KCND2: variants seen among roughly 807,000 people sequenced by gnomAD.
KCND2 encodes A-type voltage-gated potassium channel KCND2.
Under a neutral mutation model 54.4 loss-of-function variants are expected in KCND2, and 16 were observed. The ratio of observed to expected loss-of-function variants is 0.29; its 90% CI spans 0.20 to 0.45. KCND2 has a LOEUF of 0.45. Ranked by LOEUF, KCND2 falls within the 20% of genes least tolerant of loss-of-function variation. The probability of loss-of-function intolerance (pLI) is 1.00; values close to 1 mark genes in which losing one functional copy is unlikely to be tolerated. For synonymous variants in KCND2, 317 were observed against 310.7 expected (o/e 1.02, Z -0.21); for missense variants, 486 against 824.2 (o/e 0.59, Z 5.02).
intron 1 of KCND2, among the ~76,000 whole-genome samples, chr7:120,427,382 T>A (rs1266435648): frequency 6.6e-6 from 1 of 152,146 alleles, no homozygotes; most frequent in Non-Finnish European, 1.5e-5. Context: ...CAAATATCAT[T>A]CAGCCGGTCA....
At chr7:120,359,115 T>C (rs991435452) in intron 1 of KCND2, among the ~76,000 whole-genome samples, 1 of 152,176 alleles carries the variant, frequency 6.6e-6, no homozygotes, top group Non-Finnish European at 1.5e-5. Context: ...TTTTACAAAC[T>C]GGAATAAGTC....
intron 1 of KCND2, among the ~76,000 whole-genome samples, chr7:120,592,089 G>A (rs1792679266): frequency 6.6e-6 from 1 of 152,304 alleles, no homozygotes; most frequent in African/African-American, 2.4e-5. Flanking sequence ...GGCGGTGGAT[G>A]TAGTTGAGAG....
intron 1 of KCND2, among the ~76,000 whole-genome samples, chr7:120,316,262 C>T (rs149581785): frequency 1.1e-4 from 16 of 152,276 alleles, no homozygotes; most frequent in African/African-American, 3.8e-4. Flanking sequence ...CCTATTAAAA[C>T]TCCAATTTTG....
chr7:120,563,723 C>T (rs1305506773), intron 1 of KCND2, among the ~76,000 whole-genome samples: 1 of 152,116 alleles, frequency 6.6e-6, no homozygotes, highest in East Asian at 1.9e-4. Context: ...AATCCTATTC[C>T]AGCCTTTGCA....
intron 1 of KCND2, among the ~76,000 whole-genome samples, chr7:120,507,170 A>G (rs1803036770): frequency 6.6e-6 from 1 of 151,840 alleles, no homozygotes; most frequent in South Asian, 2.1e-4. Context: ...TTTTAAGGAA[A>G]GAGAGTTTTT....
Position 120,749,053 on chromosome 7 carries a change from A to G in KCND2, c.*1195A>G, listed in dbSNP as rs1206677146. The stretch of plus-strand genomic sequence containing the variant: ...TACTGGATATATCACTATGTATTTT[A>G]TGAACAGAATTGACTGGGACTAATA... On this transcript the variant is annotated 3_prime_UTR_variant, in exon 6 of 6. Coordinates refer to ENST00000331113, the MANE Select transcript of KCND2 (RefSeq NM_012281.3). 1 of 151,994 alleles carries G rather than the reference A, an allele frequency of 6.6e-6. No individual in the cohort carries two copies. The highest frequency in any genetic ancestry group is 2.4e-5 in the African/African-American group (1 of 41,452). The allele number at this position is 151,994 out of a possible 1,614,324, so 9.4% of individuals were successfully genotyped here.
intron 1 of KCND2, among the ~76,000 whole-genome samples, chr7:120,386,532 T>C (rs1800990245): frequency 6.6e-6 from 1 of 152,158 alleles, no homozygotes; most frequent in African/African-American, 2.4e-5. Context: ...AAATATTCTT[T>C]GGTACTCAAT....
chr7:120,468,122 T>G (rs762226889), intron 1 of KCND2, among the ~76,000 whole-genome samples: 1 of 152,126 alleles, frequency 6.6e-6, no homozygotes, highest in Non-Finnish European at 1.5e-5. Context: ...AGGAGAATGC[T>G]TGCAGCTGGT....
intron 1 of KCND2, among the ~76,000 whole-genome samples, chr7:120,454,594 A>T (rs1388541730): frequency 6.6e-6 from 1 of 152,310 alleles, no homozygotes; most frequent in East Asian, 1.9e-4. Context: ...TTCGGACCAG[A>T]TGGATTCACT....
intron 1 of KCND2, among the ~76,000 whole-genome samples, chr7:120,601,559 G>C (rs796212484): frequency 6.6e-5 from 10 of 152,268 alleles, no homozygotes; most frequent in African/African-American, 2.4e-4. Context: ...TTGTTTATAA[G>C]AGTTAATCGC....
intron 1 of KCND2, among the ~76,000 whole-genome samples, chr7:120,349,418 T>C (rs1323464441): frequency 6.6e-6 from 1 of 152,160 alleles, no homozygotes; most frequent in Non-Finnish European, 1.5e-5. Context: ...TTAATGCACC[T>C]GTCTTTGTTG....
chr7:120,401,489 T>A (rs2116081421), intron 1 of KCND2, among the ~76,000 whole-genome samples: 1 of 152,276 alleles, frequency 6.6e-6, no homozygotes, highest in African/African-American at 2.4e-5. Context: ...GAGCCAGTTC[T>A]ACTAAATCAG....
At chr7:120,679,048 C>G (rs371660440) in intron 1 of KCND2, among the ~76,000 whole-genome samples, 2 of 151,692 alleles carry the variant, frequency 1.3e-5, no homozygotes, top group South Asian at 2.1e-4. Context: ...CTTACATAAA[C>G]AGTGAACTTT....
At chr7:120,678,378 C>T (rs1239868433) in intron 1 of KCND2, among the ~76,000 whole-genome samples, 12 of 127,480 alleles carry the variant, frequency 9.4e-5, no homozygotes, top group East Asian at 3.8e-4. Flanking sequence ...TATATACGCA[C>T]ACACACATAT....
intron 1 of KCND2, among the ~76,000 whole-genome samples, chr7:120,645,396 T>C (rs1189684186): frequency 6.6e-6 from 1 of 152,156 alleles, no homozygotes; most frequent in East Asian, 1.9e-4. Flanking sequence ...CATGCTAATA[T>C]AGAGTTCTGT....
intron 1 of KCND2, among the ~76,000 whole-genome samples, chr7:120,527,137 A>G (rs987142796): frequency 1.3e-5 from 2 of 152,124 alleles, no homozygotes; most frequent in South Asian, 2.1e-4. Context: ...GTTACACAGT[A>G]TATAATAAAT....
chr7:120,615,871 A>G (rs1392778686), intron 1 of KCND2, among the ~76,000 whole-genome samples: 1 of 152,218 alleles, frequency 6.6e-6, no homozygotes, highest in East Asian at 1.9e-4. Flanking sequence ...GTCAAACCAC[A>G]TGAACTCTTC....
chr7:120,489,577 A>T (rs1251896956), intron 1 of KCND2, among the ~76,000 whole-genome samples: 1 of 152,156 alleles, frequency 6.6e-6, no homozygotes, highest in African/African-American at 2.4e-5. Flanking sequence ...TGACACAGAC[A>T]TGTTTTATAA....
chr7:120,592,301 C>A (rs548225630), intron 1 of KCND2, among the ~76,000 whole-genome samples: 45 of 152,274 alleles, frequency 3.0e-4, no homozygotes, highest in Admixed American at 5.9e-4. Flanking sequence ...GTAGTCCCAG[C>A]ACTTTGGGAG....
Sources: gnomAD v4.1 joint callset for allele counts (sites outside exome capture counted in the v4.1 genomes callset) on GRCh38, gnomAD v4.1.1 for gene constraint, MANE v1.5 for transcripts, NCBI Gene and HGNC (gene_info 2026-07-23, HGNC 2026-07-21) for gene names.